Variants in ZNF680 observed in about 807,000 individuals in gnomAD.
ZNF680 encodes hypothetical protein FLJ90430.
In ZNF680, 6 loss-of-function variants were observed where a neutral mutation model predicts 12.1. The observed-to-expected ratio is 0.49, with a 90% CI of 0.27 to 0.98. The LOEUF (loss-of-function observed/expected upper bound fraction) is 0.98, where lower values mean the gene tolerates loss of function less well. Ranked by LOEUF, ZNF680 falls within the 50% of genes least tolerant of loss-of-function variation. The pLI, the probability that ZNF680 is intolerant of heterozygous loss-of-function variation, is 0.12. For missense variants in ZNF680, 561 were observed against 616.3 expected (o/e 0.91, Z 0.95); for synonymous variants, 170 against 199.3 (o/e 0.85, Z 1.24).
chr7:64,513,085 C>T, the ZNF680 span, among the ~76,000 whole-genome samples: 15 of 151,994 alleles, frequency 9.9e-5, no homozygotes, highest in African/African-American at 3.4e-4. Context: ...GGCCAAAAAG[C>T]GTATGTGCCC....
intron 3 of ZNF680, among the ~76,000 whole-genome samples, chr7:64,542,859 A>C (rs982247058): frequency 3.3e-5 from 5 of 151,976 alleles, no homozygotes; most frequent in Non-Finnish European, 7.4e-5. Flanking sequence ...CCACCATGCC[A>C]GGCTAATTTT....
At chr7:64,540,303 C>CT (rs61265238) in intron 3 of ZNF680, among the ~76,000 whole-genome samples, 3,932 of 129,042 alleles carry the variant, frequency 0.03, 210 homozygotes, top group African/African-American at 0.11. Context: ...CTGATTTATC[C>CT]TTTTTTTTTT....
Position 64,522,272 on chromosome 7 carries a change from T to G in ZNF680, c.482A>C (p.Lys161Thr). ...SKIFQCDKYV[K>T]VFHKFSNSNS... ...TGAATTTGAAAATTTATGAAAGACT[T>G]TCACGTATTTATCACATTGAAATAT... is the stretch of plus-strand genomic sequence containing the variant. The change falls in exon 4 of 4, where the codon AAA becomes ACA. Residue 161 changes from lysine to threonine, a missense_variant. Transcript: ENST00000309683. 1 of 1,613,066 alleles carries G rather than the reference T, an allele frequency of 6.2e-7. No homozygotes were observed. Among genetic ancestry groups the G allele is most frequent in the Admixed American group, 1.7e-5 (1 of 59,886 alleles).
At chr7:64,527,710 GT>G (rs1006992622) in intron 3 of ZNF680, among the ~76,000 whole-genome samples, 1 of 151,686 alleles carries the variant, frequency 6.6e-6, no homozygotes, top group African/African-American at 2.4e-5. Context: ...AAAAAAAAAA[GT>G]GATCCCAGGA....
intron 1 of ZNF680, among the ~76,000 whole-genome samples, chr7:64,554,388 G>A (rs994094240): frequency 1.3e-5 from 2 of 151,190 alleles, no homozygotes; most frequent in Non-Finnish European, 2.9e-5. Context: ...GCCCCAGCCC[G>A]GCCAGCTGCC....
At chr7:64,555,747 TATAA>T (rs200916291) in intron 1 of ZNF680, among the ~76,000 whole-genome samples, 8 of 118,864 alleles carry the variant, frequency 6.7e-5, no homozygotes, top group South Asian at 4.6e-4. Context: ...TATATATATA[TATAA>T]AATAAGATAA....
chr7:64,527,490 G>C (rs1791927887), intron 3 of ZNF680, among the ~76,000 whole-genome samples: 1 of 152,122 alleles, frequency 6.6e-6, no homozygotes, highest in African/African-American at 2.4e-5. Context: ...AAGGTCAGAA[G>C]TTCGAGACCA....
chr7:64,503,642 A>G, the ZNF680 span, among the ~76,000 whole-genome samples: 1 of 152,166 alleles, frequency 6.6e-6, no homozygotes, highest in South Asian at 2.1e-4. Flanking sequence ...TGCCTCGCAA[A>G]GTGCTGGGAT....
At chr7:64,543,885 T>C (rs1038311769) in intron 2 of ZNF680, 83 bp from the exon 3 acceptor site, 188 of 1,139,172 alleles carry the variant, frequency 1.7e-4, no homozygotes, top group Non-Finnish European at 2.2e-4. Flanking sequence ...AAAGAGAATG[T>C]CATAGCATAT....
At chr7:64,526,231 GA>G in intron 3 of ZNF680, 3 of 1,077,890 alleles carry the variant, frequency 2.8e-6, no homozygotes, top group Non-Finnish European at 3.4e-6. Context: ...ACTTGTAGAT[GA>G]AAAAGGCTAA....
At chr7:64,526,493 T>C in intron 3 of ZNF680, 2 of 1,005,802 alleles carry the variant, frequency 2.0e-6, no homozygotes, top group East Asian at 2.8e-5. Context: ...GAGTTCAAGA[T>C]CAGCCTGAGC....
intron 3 of ZNF680, among the ~76,000 whole-genome samples, chr7:64,537,810 G>C (rs1215250042): frequency 6.6e-6 from 1 of 151,930 alleles, no homozygotes; most frequent in Admixed American, 6.6e-5. Context: ...GGCGCCTGTA[G>C]TCCCAGCTAT....
chr7:64,546,648 CAGG>C (rs1354706413), intron 1 of ZNF680, among the ~76,000 whole-genome samples: 1 of 152,136 alleles, frequency 6.6e-6, no homozygotes, highest in African/African-American at 2.4e-5. Context: ...GAGGCAGAGG[CAGG>C]AGAATTGCTA....
chr7:64,562,947 C>A lies in ZNF680; in HGVS notation c.8G>T (p.Gly3Val), dbSNP rs1352808421. The change falls in exon 1 of 4, where the codon GGA (glycine) becomes GTA (valine). Residue 3 changes from glycine to valine, a missense_variant. By Grantham distance (109) the Gly-to-Val change is moderately radical. Transcript: ENST00000309683. MPGPPGSLEMGPL... is the reference protein window; with the variant it reads MPVPPGSLEMGPL... ...CACCATTTCTAGGCTTCCAGGTGGT[C>A]CTGGCATCTTAGCTGTGCATCTCCC... 2.5e-6 allele frequency: 4 copies of A among 1,613,706 alleles called. No homozygotes were observed. The African/African-American group carries it at 5.3e-5, about 22-fold the overall frequency.
At chr7:64,499,873 C>T in the ZNF680 span, among the ~76,000 whole-genome samples, 2,672 of 152,322 alleles carry the variant, frequency 0.018, 83 homozygotes, top group African/African-American at 0.06. Context: ...TTAATAGGCA[C>T]ATTCTTTTCC....
chr7:64,561,446 C>T (rs1314612763), intron 1 of ZNF680, among the ~76,000 whole-genome samples: 1 of 152,010 alleles, frequency 6.6e-6, no homozygotes. Context: ...AACTGTGACC[C>T]CCCAAAATTC....
chr7:64,519,322 TA>T (rs1163541513), downstream of ZNF680, among the ~76,000 whole-genome samples: 1 of 151,694 alleles, frequency 6.6e-6, no homozygotes, highest in African/African-American at 2.4e-5. Flanking sequence ...TGGCCATAAT[TA>T]AAAAATAAAA....
chr7:64,512,132 T>G, the ZNF680 span, among the ~76,000 whole-genome samples: 6 of 151,086 alleles, frequency 4.0e-5, no homozygotes, highest in African/African-American at 1.5e-4. Flanking sequence ...CATGTTTTTC[T>G]CTTCATAAAT....
At chr7:64,528,123 G>C (rs1309099918) in intron 3 of ZNF680, among the ~76,000 whole-genome samples, 1 of 152,124 alleles carries the variant, frequency 6.6e-6, no homozygotes, top group Non-Finnish European at 1.5e-5. Context: ...AAATATGGGG[G>C]GTGGAAGAAG....
Sources: gnomAD v4.1 joint callset for allele counts (sites outside exome capture counted in the v4.1 genomes callset) on GRCh38, gnomAD v4.1.1 for gene constraint, MANE v1.5 for transcripts, NCBI Gene and HGNC (gene_info 2026-07-23, HGNC 2026-07-21) for gene names.